Variants in GALNT18 observed in about 807,000 individuals in gnomAD.
GALNT18 encodes polypeptide N-acetylgalactosaminyltransferase 18, also known as GalNAc-transferase 18.
Under a neutral mutation model 69.5 loss-of-function variants are expected in GALNT18, and 44 were observed. That is an observed-to-expected ratio of 0.63 (90% CI 0.50 to 0.81). The LOEUF (loss-of-function observed/expected upper bound fraction) is 0.81, where lower values mean the gene tolerates loss of function less well. Among genes scored for constraint, GALNT18 ranks in the 40% least tolerant of loss-of-function variants. The probability of loss-of-function intolerance (pLI) is 0.00; values close to 1 mark genes in which losing one functional copy is unlikely to be tolerated. For missense variants in GALNT18, 715 were observed against 810.0 expected (o/e 0.88, Z 1.42); for synonymous variants, 364 against 318.2 (o/e 1.14, Z -1.53).
At chr11:11,398,309 C>A (rs1171194993) in intron 3 of GALNT18, among the ~76,000 whole-genome samples, 3 of 152,234 alleles carry the variant, frequency 2.0e-5, no homozygotes, top group African/African-American at 7.2e-5. Flanking sequence ...TTGGCTAGCT[C>A]TGCCTGAGCT....
In GALNT18 at chr11:11,389,075, A is replaced by T. The variant is rs1034346603; in HGVS notation, c.596-9811T>A. Reference sequence around the variant, plus strand: ...CTAGAAGATGGCAGAGCTGAAAAGCAAACCCAGGCAACCTGAAGATAATAA... The same window carrying T: ...CTAGAAGATGGCAGAGCTGAAAAGCTAACCCAGGCAACCTGAAGATAATAA... On this transcript the variant is annotated intron_variant, in intron 3 of 10. Coordinates refer to ENST00000227756, the MANE Select transcript of GALNT18 (RefSeq NM_198516.3). This position sits in a 1 kb window ranked among gnomAD's most constrained non-coding sequence, Gnocchi z 4.3. Among the ~76,000 whole-genome samples the T allele has an allele frequency of 1.3e-5, 2 of 152,244 alleles. No homozygotes were observed. Among genetic ancestry groups the T allele is most frequent in the Non-Finnish European group, 2.9e-5 (2 of 68,038 alleles).
intron 1 of GALNT18, among the ~76,000 whole-genome samples, chr11:11,478,290 C>T (rs1856445233): frequency 6.6e-6 from 1 of 152,172 alleles, no homozygotes; most frequent in African/African-American, 2.4e-5. Flanking sequence ...AGCTAACATG[C>T]CAATCAAATG....
At chr11:11,589,652 A>T (rs1214888200) in intron 1 of GALNT18, among the ~76,000 whole-genome samples, 3 of 152,062 alleles carry the variant, frequency 2.0e-5, no homozygotes, top group Non-Finnish European at 4.4e-5. Context: ...GCTGAATGCT[A>T]ATGACAGCCC....
chr11:11,525,420 G>A (rs1442610110), intron 1 of GALNT18, among the ~76,000 whole-genome samples: 1 of 152,082 alleles, frequency 6.6e-6, no homozygotes, highest in Non-Finnish European at 1.5e-5. Flanking sequence ...CTGAAACAGC[G>A]ATAGTAAAAG....
rs1396391247 is a variant in GALNT18 at position 11,584,211 on chromosome 11, T to C, written c.235+37148A>G. On this transcript the variant is annotated intron_variant, in intron 1 of 10. Transcript: ENST00000227756. The surrounding 1 kb of genome is among the most constrained non-coding windows in gnomAD (Gnocchi z 4.1). ...CAGCGGCAATAAAATTAGAGCAAAG[T>C]GTCCTTCCAGCAGCTGGGGACAGGA... Among the ~76,000 whole-genome samples the C allele has an allele frequency of 1.3e-5, 2 of 152,094 alleles. No individual in the cohort carries two copies. The highest frequency in any genetic ancestry group is 3.9e-4 in the East Asian group (2 of 5,176).
chr11:11,422,615 T>G (rs538120198), intron 3 of GALNT18, among the ~76,000 whole-genome samples: 5 of 151,622 alleles, frequency 3.3e-5, no homozygotes, highest in Non-Finnish European at 5.9e-5. Context: ...CTCTGTTTTT[T>G]TTGTTGTTTT....
intron 1 of GALNT18, among the ~76,000 whole-genome samples, chr11:11,498,651 C>T (rs1590054226): frequency 1.3e-5 from 2 of 152,092 alleles, no homozygotes. Flanking sequence ...TACAAAAAAT[C>T]AGCCGGGCAT....
rs1391021691 is a variant in GALNT18 at position 11,461,947 on chromosome 11, CCT to C, written c.236-13013_236-13012del. Among the ~76,000 whole-genome samples the C allele has an allele frequency of 6.6e-6, 1 of 152,214 alleles. No individual in the cohort carries two copies. The highest frequency in any genetic ancestry group is 1.5e-5 in the Non-Finnish European group (1 of 68,040). ...GTAATATTACTCTATCATGTGCTCC[CCT>C]GTCTCAAACAGCCTCTCCCAGGAAG... On this transcript the variant is annotated intron_variant, in intron 1 of 10. Coordinates refer to ENST00000227756, the MANE Select transcript of GALNT18 (RefSeq NM_198516.3). The surrounding 1 kb of genome is among the most constrained non-coding windows in gnomAD (Gnocchi z 4.1).
chr11:11,541,721 A>G lies in GALNT18; in HGVS notation c.235+79638T>C, dbSNP rs994751805. On this transcript the variant is annotated intron_variant, in intron 1 of 10. Transcript: ENST00000227756. The surrounding 1 kb of genome is among the most constrained non-coding windows in gnomAD (Gnocchi z 4.8). ...ACCTCTATTGCCCCAAAGCGTCGCTAGTAGCCTTGGGGATTCCTCCCTTCA... is the reference window on the plus strand; with the variant it reads ...ACCTCTATTGCCCCAAAGCGTCGCTGGTAGCCTTGGGGATTCCTCCCTTCA... Among the ~76,000 whole-genome samples, 4 of 151,992 alleles carry G rather than the reference A, an allele frequency of 2.6e-5. No individual in the cohort carries two copies. The highest frequency in any genetic ancestry group is 9.7e-5 in the African/African-American group (4 of 41,356).
In GALNT18 at chr11:11,427,967, G is replaced by A. The variant is rs368524647; in HGVS notation, c.595+4654C>T. ...CCCATGGCCAGAAAGCAGCAGAACC[G>A]AGCCTGGAAACCAAGTCCTAGAACA... On this transcript the variant is annotated intron_variant, in intron 3 of 10. Coordinates refer to ENST00000227756, the MANE Select transcript of GALNT18 (RefSeq NM_198516.3). Among the ~76,000 whole-genome samples the A allele has an allele frequency of 1.8e-4, 28 of 152,292 alleles. No individual in the cohort carries two copies. In the South Asian group the frequency reaches 2.5e-3, roughly 14 times the overall value.
chr11:11,408,965 A>T (rs1854659085), intron 3 of GALNT18, among the ~76,000 whole-genome samples: 1 of 152,204 alleles, frequency 6.6e-6, no homozygotes, highest in Admixed American at 6.5e-5. Context: ...GCAGCAACCC[A>T]CAGACACATA....
In GALNT18 at chr11:11,541,605, C is replaced by T. The variant is rs1857924332; in HGVS notation, c.235+79754G>A. 6.6e-6 allele frequency among the ~76,000 whole-genome samples: 1 copy of T among 152,184 alleles called. No individual in the cohort carries two copies. Among genetic ancestry groups the T allele is most frequent in the Non-Finnish European group, 1.5e-5 (1 of 68,042 alleles). The stretch of plus-strand genomic sequence containing the variant: ...CCTTCCTGGGCTGGCACCCCAGCCC[C>T]ACCCACAAATGCATCTCTGCCTTCA... On this transcript the variant is annotated intron_variant, in intron 1 of 10. Coordinates refer to ENST00000227756, the MANE Select transcript of GALNT18 (RefSeq NM_198516.3). The surrounding 1 kb of genome is among the most constrained non-coding windows in gnomAD (Gnocchi z 4.8).
At position 11,413,771 on chromosome 11, in the gene GALNT18, T is replaced by C. The variant is rs780539743; in HGVS notation, c.595+18850A>G. Among the ~76,000 whole-genome samples, 4 of 152,212 alleles carry C rather than the reference T, an allele frequency of 2.6e-5. No individual in the cohort carries two copies. Among genetic ancestry groups the C allele is most frequent in the Non-Finnish European group, 5.9e-5 (4 of 68,038 alleles). On this transcript the variant is annotated intron_variant, in intron 3 of 10. Transcript: ENST00000227756. This position sits in a 1 kb window ranked among gnomAD's most constrained non-coding sequence, Gnocchi z 4.7. The stretch of plus-strand genomic sequence containing the variant: ...TTTCACCATTCTTCAAGAGGATGAC[T>C]GTGGAGCTAGCTGTGCAGCCAAGCC...
intron 4 of GALNT18, among the ~76,000 whole-genome samples, chr11:11,378,747 C>A (rs1166043091): frequency 6.6e-6 from 1 of 152,156 alleles, no homozygotes; most frequent in Non-Finnish European, 1.5e-5. Context: ...GGTGTGGGAA[C>A]CCTGTCCTTA....
chr11:11,399,262 G>GATCACAGAA (rs1247579805), intron 3 of GALNT18, among the ~76,000 whole-genome samples: 24 of 152,136 alleles, frequency 1.6e-4, no homozygotes, highest in African/African-American at 5.6e-4. Flanking sequence ...CTGGCACCCT[G>GATCACAGAA]ATCACAGAAC....
intron 3 of GALNT18, among the ~76,000 whole-genome samples, chr11:11,425,778 G>A (rs1403099732): frequency 6.6e-6 from 1 of 152,192 alleles, no homozygotes; most frequent in African/African-American, 2.4e-5. Context: ...CCCCCAAAGT[G>A]CTTAGCCAGG....
chr11:11,478,309 G>A (rs1856445935), intron 1 of GALNT18, among the ~76,000 whole-genome samples: 1 of 152,212 alleles, frequency 6.6e-6, no homozygotes, highest in Non-Finnish European at 1.5e-5. Flanking sequence ...TGTGAGCGTA[G>A]AATAAAGACA....
At chr11:11,534,021 C>A (rs547880172) in intron 1 of GALNT18, among the ~76,000 whole-genome samples, 1 of 152,198 alleles carries the variant, frequency 6.6e-6, no homozygotes, top group African/African-American at 2.4e-5. Context: ...CATCATCTCA[C>A]GCAGCCTCAT....
intron 6 of GALNT18, among the ~76,000 whole-genome samples, chr11:11,354,644 C>G (rs1030790602): frequency 1.6e-4 from 24 of 152,260 alleles, no homozygotes; most frequent in African/African-American, 5.5e-4. Context: ...TAATTATTAT[C>G]ACTATAATAT....
Sources: allele counts gnomAD v4.1 joint callset (sites outside exome capture counted in the v4.1 genomes callset), GRCh38; gene constraint gnomAD v4.1.1; non-coding constraint Gnocchi (gnomAD v3.1); transcripts MANE v1.5; gene names NCBI Gene and HGNC (gene_info 2026-07-23, HGNC 2026-07-21).